The following NLGN1 variants were observed in gnomAD, a reference collection of about 807,000 sequenced individuals.
The protein encoded by NLGN1 is neuroligin 1, also known as neuroligin-1.
NLGN1 carries 12 observed loss-of-function variants against 65.5 expected under a neutral mutation model. The observed-to-expected ratio is 0.18, with a 90% CI of 0.12 to 0.30. The LOEUF (loss-of-function observed/expected upper bound fraction) is 0.30, where lower values mean the gene tolerates loss of function less well. Among genes scored for constraint, NLGN1 ranks in the 10% least tolerant of loss-of-function variants. The pLI is 1.00. For synonymous variants in NLGN1, 350 were observed against 359.5 expected, an observed-to-expected ratio of 0.97 and a Z score of 0.30; for missense variants, 750 against 1,007.1, an observed-to-expected ratio of 0.74 and a Z score of 3.46.
rs184108921 is a variant in NLGN1, at chr3:173,474,591, G to A, written c.-321+39513G>A. Among the ~76,000 whole-genome samples, 47 of 152,246 alleles carry A rather than the reference G, an allele frequency of 3.1e-4. No individual in the cohort carries two copies. The East Asian group carries it at 8.3e-3, about 27-fold the overall frequency. ...GACATATAGTTTGATTAATATGTAT[G>A]TACTGATTGTCACAGTTTTCCTTGG... is the stretch of plus-strand genomic sequence containing the variant. On this transcript the variant is annotated intron_variant, in intron 2 of 6. Coordinates refer to ENST00000457714, the Ensembl canonical transcript of NLGN1.
intron 4 of NLGN1, among the ~76,000 whole-genome samples, chr3:174,059,746 C>T (rs1050129882): frequency 6.6e-6 from 1 of 152,100 alleles, no homozygotes; most frequent in African/African-American, 2.4e-5. Flanking sequence ...GTAATAACTC[C>T]ACAAGTTAAA....
At chr3:173,455,838 G>A (rs77607741) in intron 2 of NLGN1, among the ~76,000 whole-genome samples, 4,220 of 152,118 alleles carry the variant, frequency 0.028, 205 homozygotes, top group African/African-American at 0.094. Flanking sequence ...TCTACAATCT[G>A]TCATCTATAA....
At chr3:173,778,939 T>A (rs1257079898) in intron 3 of NLGN1, among the ~76,000 whole-genome samples, 17 of 151,524 alleles carry the variant, frequency 1.1e-4, no homozygotes, top group Admixed American at 1.1e-3. Flanking sequence ...AAATACAAAG[T>A]TATTCAATTT....
chr3:173,747,802 T>TTC (rs1491271594), intron 3 of NLGN1, among the ~76,000 whole-genome samples: 3 of 28,954 alleles, frequency 1.0e-4, no homozygotes, highest in African/African-American at 3.6e-4. Context: ...CTTCTTGTTC[T>TTC]TTTTTTTTTT....
intron 4 of NLGN1, among the ~76,000 whole-genome samples, chr3:173,988,315 T>C (rs186150473): frequency 1.3e-5 from 2 of 152,274 alleles, no homozygotes; most frequent in Non-Finnish European, 2.9e-5. Context: ...GTTTAAATGC[T>C]TTTTCTTTGT....
chr3:174,155,748 G>A (rs1192205661), intron 4 of NLGN1, among the ~76,000 whole-genome samples: 1 of 151,888 alleles, frequency 6.6e-6, no homozygotes, highest in African/African-American at 2.4e-5. Flanking sequence ...ATCGAAATGA[G>A]TAGGGAAATA....
chr3:173,984,531 T>C (rs981252017), intron 4 of NLGN1, among the ~76,000 whole-genome samples: 3 of 152,180 alleles, frequency 2.0e-5, no homozygotes, highest in South Asian at 2.1e-4. Context: ...TCTTTCTTAA[T>C]TGGAGATTCA....
At chr3:174,143,412 C>T (rs1407992906) in intron 4 of NLGN1, among the ~76,000 whole-genome samples, 3 of 152,048 alleles carry the variant, frequency 2.0e-5, no homozygotes, top group Non-Finnish European at 4.4e-5. Flanking sequence ...ATTATTTGGT[C>T]GTAACTTTAC....
At chr3:174,236,002 A>G (rs1482793347) in intron 4 of NLGN1, among the ~76,000 whole-genome samples, 1 of 152,160 alleles carries the variant, frequency 6.6e-6, no homozygotes, top group African/African-American at 2.4e-5. Flanking sequence ...GTAAATTCCA[A>G]GTAGTCAGGG....
intron 4 of NLGN1, among the ~76,000 whole-genome samples, chr3:173,812,699 C>G (rs1203542993): frequency 6.7e-6 from 1 of 149,346 alleles, no homozygotes; most frequent in Non-Finnish European, 1.5e-5. Context: ...AGAGTGAGAT[C>G]TTGTCTTAAA....
intron 4 of NLGN1, among the ~76,000 whole-genome samples, chr3:174,062,249 C>T (rs57875280): frequency 0.021 from 3,178 of 152,008 alleles, 107 homozygotes; most frequent in African/African-American, 0.067. Flanking sequence ...GGACAATGGG[C>T]GGTTACTGAC....
intron 4 of NLGN1, among the ~76,000 whole-genome samples, chr3:173,944,163 T>G (rs928046697): frequency 2.9e-5 from 3 of 102,060 alleles, no homozygotes; most frequent in Non-Finnish European, 6.4e-5. Context: ...GTGTGTGTGT[T>G]TTGTCCCTAT....
At chr3:173,757,353 ATTC>A in intron 3 of NLGN1, among the ~76,000 whole-genome samples, 1 of 151,238 alleles carries the variant, frequency 6.6e-6, no homozygotes, top group Non-Finnish European at 1.5e-5. Flanking sequence ...ATTAAGAAAT[ATTC>A]TTGTAAAAAA....
At chr3:174,206,945 T>A (rs1278896439) in intron 4 of NLGN1, among the ~76,000 whole-genome samples, 1 of 152,088 alleles carries the variant, frequency 6.6e-6, no homozygotes, top group Non-Finnish European at 1.5e-5. Flanking sequence ...AAGTATGATA[T>A]CCTCCATACT....
intron 3 of NLGN1, among the ~76,000 whole-genome samples, chr3:173,629,833 CCACTT>C (rs1755403128): frequency 2.6e-5 from 4 of 152,076 alleles, no homozygotes; most frequent in Admixed American, 2.6e-4. Context: ...AAATCAATCT[CCACTT>C]CAGAGTTTAT....
At chr3:174,257,927 GA>G (rs1746117495) in intron 4 of NLGN1, among the ~76,000 whole-genome samples, 1 of 149,612 alleles carries the variant, frequency 6.7e-6, no homozygotes. Flanking sequence ...TATAAAGTTC[GA>G]AAAATAGTAA....
chr3:173,580,600 CCT>C, intron 2 of NLGN1, among the ~76,000 whole-genome samples: 1 of 151,880 alleles, frequency 6.6e-6, no homozygotes, highest in Non-Finnish European at 1.5e-5. Context: ...ATGTTTCTAT[CCT>C]CTCTGTCAGT....
intron 3 of NLGN1, among the ~76,000 whole-genome samples, chr3:173,654,892 C>A (rs996064512): frequency 6.6e-6 from 1 of 152,000 alleles, no homozygotes; most frequent in Non-Finnish European, 1.5e-5. Context: ...CTTAGCATTG[C>A]GTTTTTCAGT....
chr3:174,099,153 G>A (rs982638652), intron 4 of NLGN1, among the ~76,000 whole-genome samples: 1 of 152,142 alleles, frequency 6.6e-6, no homozygotes, highest in Non-Finnish European at 1.5e-5. Flanking sequence ...TAGAAGTTAT[G>A]CAACAGACGT....
Sources: gnomAD v4.1 joint callset for allele counts (sites outside exome capture counted in the v4.1 genomes callset) on GRCh38, gnomAD v4.1.1 for gene constraint, MANE v1.5 for transcripts, NCBI Gene and HGNC (gene_info 2026-07-23, HGNC 2026-07-21) for gene names.